MNAT1: variants seen among roughly 807,000 people sequenced by gnomAD.
MNAT1 encodes MNAT1 component of CDK activating kinase.
Under a neutral mutation model 42.0 loss-of-function variants are expected in MNAT1, and 43 were observed. The ratio of observed to expected loss-of-function variants is 1.02; its 90% CI spans 0.80 to 1.32. MNAT1 has a LOEUF of 1.32. MNAT1 is among the 40% of genes most tolerant of loss of function. The pLI is 0.00. For missense variants in MNAT1, 306 were observed against 350.4 expected (o/e 0.87, Z 1.01); for synonymous variants, 118 against 120.0 (o/e 0.98, Z 0.11).
intron 7 of MNAT1, among the ~76,000 whole-genome samples, chr14:60,902,343 T>A (rs931506186): frequency 3.2e-4 from 48 of 152,280 alleles, no homozygotes; most frequent in African/African-American, 1.2e-3. Flanking sequence ...GGACTGAGAA[T>A]TATGCAAGGA....
At chr14:60,942,106 T>G (rs574135411) in intron 7 of MNAT1, among the ~76,000 whole-genome samples, 2 of 147,252 alleles carry the variant, frequency 1.4e-5, no homozygotes, top group South Asian at 4.6e-4. Context: ...CACACTCCAC[T>G]AAAAAAATTT....
rs999169710 is a variant in MNAT1, at chr14:60,968,119, A to G, written c.810-110A>G. Reference sequence around the variant, plus strand: ...TTATAATAAAAGTCTGAATATTTCAATCTCGGAATTCCTCTTTAAAACTTG... The same window carrying G: ...TTATAATAAAAGTCTGAATATTTCAGTCTCGGAATTCCTCTTTAAAACTTG... On this transcript the variant is annotated intron_variant, in intron 7 of 7. Transcript: ENST00000261245. 7 of 775,818 alleles carry G rather than the reference A, an allele frequency of 9.0e-6. No individual in the cohort carries two copies. In the East Asian group the frequency reaches 1.3e-4, roughly 14 times the overall value. The allele number at this position is 775,818 out of a possible 1,614,324, so 48.1% of individuals were successfully genotyped here. A position where few individuals can be genotyped will look rare whatever the true frequency, so the allele number is the denominator to read the frequency against.
chr14:60,954,916 G>GT (rs1231486893), intron 7 of MNAT1, among the ~76,000 whole-genome samples: 6 of 151,958 alleles, frequency 3.9e-5, no homozygotes, highest in Non-Finnish European at 8.8e-5. Context: ...TTTGTTGATA[G>GT]TTTTTATCAT....
rs71114155 is a variant in MNAT1 at position 60,784,179 on chromosome 14, A to ATTTTTTTTTTTTTTTTT, written c.90-12030_90-12014dup. 5.6e-5 allele frequency among the ~76,000 whole-genome samples: 3 copies of ATTTTTTTTTTTTTTTTT among 53,292 alleles called. 1 individual carries two copies. The highest frequency in any genetic ancestry group is 2.3e-4 in the African/African-American group (3 of 13,100). 35.0% of individuals were successfully genotyped at this position (53,292 alleles called of 152,430 possible). A position where few individuals can be genotyped will look rare whatever the true frequency, so the allele number is the denominator to read the frequency against. On this transcript the variant is annotated intron_variant, in intron 1 of 7. Coordinates refer to ENST00000261245, the MANE Select transcript of MNAT1 (RefSeq NM_002431.4). Reference sequence around the variant, plus strand: ...AGATACGTGCCACCATGCCTGGCTAATTTTTTTTTTTTTTTTTTTTTTTTA... The same window carrying ATTTTTTTTTTTTTTTTT: ...AGATACGTGCCACCATGCCTGGCTAATTTTTTTTTTTTTTTTTTTTTTTTTTTTTTTTTTTTTTTTTA...
intron 7 of MNAT1, among the ~76,000 whole-genome samples, chr14:60,950,059 C>T (rs568017335): frequency 6.6e-6 from 1 of 152,102 alleles, no homozygotes; most frequent in East Asian, 1.9e-4. Flanking sequence ...ATCCAGTTGA[C>T]TTTGTCTTTG....
chr14:60,809,821 C>A (rs989703574), intron 4 of MNAT1, among the ~76,000 whole-genome samples: 1 of 151,988 alleles, frequency 6.6e-6, no homozygotes, highest in South Asian at 2.1e-4. Context: ...AGTTTTCTTT[C>A]CTTGTGGTAC....
intron 6 of MNAT1, among the ~76,000 whole-genome samples, chr14:60,871,562 G>A (rs2034324373): frequency 6.6e-6 from 1 of 151,088 alleles, no homozygotes; most frequent in Non-Finnish European, 1.5e-5. Context: ...TAGCCATCTG[G>A]TCTTTTAAAA....
intron 6 of MNAT1, among the ~76,000 whole-genome samples, chr14:60,863,011 C>G (rs2034131104): frequency 6.6e-6 from 1 of 151,984 alleles, no homozygotes; most frequent in Non-Finnish European, 1.5e-5. Context: ...TGGAAAATGT[C>G]TCTACAAGTC....
At chr14:60,952,712 A>G (rs2036407273) in intron 7 of MNAT1, among the ~76,000 whole-genome samples, 1 of 152,144 alleles carries the variant, frequency 6.6e-6, no homozygotes, top group Non-Finnish European at 1.5e-5. Context: ...ATACCCAGGT[A>G]CAAAGGGCCA....
chr14:60,844,552 G>A lies in MNAT1; in HGVS notation c.687+25705G>A, dbSNP rs535820470. Among the ~76,000 whole-genome samples the A allele has an allele frequency of 1.2e-4, 18 of 152,040 alleles. No individual in the cohort carries two copies. In the South Asian group the frequency reaches 2.5e-3, roughly 21 times the overall value. ...ATGTATATTTTTACATTGGGCTTGC[G>A]TGCGATGAGCTTTTCTATTTTACTT... On this transcript the variant is annotated intron_variant, in intron 6 of 7. Transcript: ENST00000261245.
In MNAT1 at chr14:60,866,418, G is replaced by T. The variant is rs772066710; in HGVS notation, c.688-13296G>T. ...GTCATATAATTTAGGACCCTTCTAG[G>T]TAACACTTTGATCTTTCTCAAATGT... On this transcript the variant is annotated intron_variant, in intron 6 of 7. Transcript: ENST00000261245. 5.2e-4 allele frequency among the ~76,000 whole-genome samples: 78 copies of T among 150,742 alleles called. No individual in the cohort carries two copies. In the Middle Eastern group the frequency reaches 0.01, roughly 20 times the overall value.
intron 6 of MNAT1, among the ~76,000 whole-genome samples, chr14:60,873,576 C>T (rs2034374088): frequency 6.6e-6 from 1 of 152,054 alleles, no homozygotes; most frequent in Non-Finnish European, 1.5e-5. Flanking sequence ...TCAAGTGATC[C>T]TCCTGCTTCA....
intron 1 of MNAT1, among the ~76,000 whole-genome samples, chr14:60,746,909 TATATATATATATATACACACACACAC>T (rs1896637385): frequency 4.1e-5 from 1 of 24,616 alleles, no homozygotes; most frequent in African/African-American, 1.4e-4. Context: ...TATATATATA[TATATATATATATATACACACACACAC>T]ACACACACAC....
intron 3 of MNAT1, chr14:60,799,314 A>G (rs2032125546): frequency 1.0e-6 from 1 of 985,202 alleles, no homozygotes; most frequent in African/African-American, 1.7e-5. Context: ...GGGAGTGACA[A>G]GGCAAAGTGG....
At chr14:60,960,490 T>A (rs528780087) in intron 7 of MNAT1, among the ~76,000 whole-genome samples, 159 of 152,330 alleles carry the variant, frequency 1.0e-3, no homozygotes, top group Middle Eastern at 3.4e-3. Flanking sequence ...CATAACTCTC[T>A]TCTTTTCACT....
At chr14:60,944,489 A>C (rs936599443) in intron 7 of MNAT1, among the ~76,000 whole-genome samples, 1 of 152,118 alleles carries the variant, frequency 6.6e-6, no homozygotes, top group Non-Finnish European at 1.5e-5. Context: ...GACTTCCTAG[A>C]CTCCAGAATT....
intron 7 of MNAT1, among the ~76,000 whole-genome samples, chr14:60,962,444 A>G (rs2036610685): frequency 6.6e-6 from 1 of 152,198 alleles, no homozygotes; most frequent in African/African-American, 2.4e-5. Context: ...ATCCTTTGAG[A>G]TAATCAGCAC....
In MNAT1 at chr14:60,968,298, TCA is replaced by T; in HGVS notation, c.882_883del (p.His294GlnfsTer38). The T allele has an allele frequency of 1.2e-6, 2 of 1,614,030 alleles. No homozygotes were observed. Among genetic ancestry groups the T allele is most frequent in the Non-Finnish European group, 1.7e-6 (2 of 1,179,924 alleles). On this transcript the variant is annotated frameshift_variant, in exon 8 of 8. Coordinates refer to ENST00000261245, the MANE Select transcript of MNAT1 (RefSeq NM_002431.4). LOFTEE classifies it high-confidence loss of function. ...GAGGCTATACTTCTTCTCTTGCTTG[TCA>T]CAGAGCACTACAGGATGCATTCAGT... ...AGGYTSSLAC[H>X]RALQDAFSGL...
chr14:60,846,469 T>C (rs1202862555), intron 6 of MNAT1, among the ~76,000 whole-genome samples: 1 of 152,166 alleles, frequency 6.6e-6, no homozygotes. Flanking sequence ...TAAGCTTTGC[T>C]CTTCTTTTCC....
Sources: gnomAD v4.1 joint callset for allele counts (sites outside exome capture counted in the v4.1 genomes callset) on GRCh38, gnomAD v4.1.1 for gene constraint, MANE v1.5 for transcripts, NCBI Gene and HGNC (gene_info 2026-07-23, HGNC 2026-07-21) for gene names.